Variants in GLIS3 observed in about 807,000 individuals in gnomAD.
The protein encoded by GLIS3 is zinc finger protein GLIS3.
A neutral mutation model predicts 78.6 loss-of-function variants in GLIS3; 53 were observed. The observed-to-expected ratio is 0.67, with a 90% CI of 0.54 to 0.85. The LOEUF is 0.85. GLIS3 is among the 40% of genes least tolerant of loss of function. The pLI is 0.00. For synonymous variants in GLIS3, 684 were observed against 509.9 expected (o/e 1.34, Z -4.60); for missense variants, 1,703 against 1,231.1 (o/e 1.38, Z -5.74).
At chr9:4,148,794 T>C (rs1022782052) in intron 2 of GLIS3, among the ~76,000 whole-genome samples, 1 of 151,978 alleles carries the variant, frequency 6.6e-6, no homozygotes, top group Non-Finnish European at 1.5e-5. Context: ...AAAAATAAAA[T>C]AAACAGAGAA....
At chr9:4,352,834 G>C (rs190828633), upstream of GLIS3, among the ~76,000 whole-genome samples, 7 of 152,356 alleles carry the variant, frequency 4.6e-5, no homozygotes, top group Admixed American at 1.3e-4. Context: ...AATCTTCATA[G>C]TTAGGTAAAC....
intron 7 of GLIS3, among the ~76,000 whole-genome samples, chr9:3,884,841 T>C (rs1821965275): frequency 6.6e-6 from 1 of 152,086 alleles, no homozygotes; most frequent in Non-Finnish European, 1.5e-5. Flanking sequence ...AACACCACCC[T>C]ATATTGCCTC....
chr9:4,351,328 C>A (rs746864686), upstream of GLIS3, among the ~76,000 whole-genome samples: 1 of 151,058 alleles, frequency 6.6e-6, no homozygotes, highest in Non-Finnish European at 1.5e-5. Flanking sequence ...TCACTTGAAC[C>A]TGGGAGGTTG....
chr9:4,163,864 A>C (rs1243492315), intron 2 of GLIS3, among the ~76,000 whole-genome samples: 3 of 152,214 alleles, frequency 2.0e-5, no homozygotes, highest in African/African-American at 4.8e-5. Flanking sequence ...TAATAATAAT[A>C]ACAACATATA....
At chr9:4,418,791 T>A in the GLIS3 span, among the ~76,000 whole-genome samples, 1 of 152,210 alleles carries the variant, frequency 6.6e-6, no homozygotes, top group African/African-American at 2.4e-5. Context: ...AGTATTTGAG[T>A]TGGGTCTTTA....
At chr9:4,276,959 C>T (rs1397286961) in intron 2 of GLIS3, among the ~76,000 whole-genome samples, 2 of 152,122 alleles carry the variant, frequency 1.3e-5, no homozygotes, top group Non-Finnish European at 2.9e-5. Flanking sequence ...ATATTAACTT[C>T]ATTTGCTCTA....
At chr9:4,375,238 T>G in the GLIS3 span, among the ~76,000 whole-genome samples, 24 of 152,176 alleles carry the variant, frequency 1.6e-4, no homozygotes, top group Non-Finnish European at 3.2e-4. Context: ...TCAAGTCTAA[T>G]GAACTCCCAA....
At chr9:4,044,131 C>A (rs1356508819) in intron 4 of GLIS3, among the ~76,000 whole-genome samples, 1 of 152,116 alleles carries the variant, frequency 6.6e-6, no homozygotes, top group South Asian at 2.1e-4. Context: ...TGAGGATGCC[C>A]ATCAGAAAGG....
intron 2 of GLIS3, among the ~76,000 whole-genome samples, chr9:4,343,284 G>T (rs902029684): frequency 6.6e-6 from 1 of 152,216 alleles, no homozygotes; most frequent in Admixed American, 6.5e-5. Context: ...CGAGGCTTCA[G>T]TAAGCTCTGA....
intron 4 of GLIS3, among the ~76,000 whole-genome samples, chr9:4,001,966 G>C (rs985035738): frequency 1.3e-5 from 2 of 152,140 alleles, no homozygotes; most frequent in Admixed American, 6.5e-5. Context: ...ATAAACAGTG[G>C]CCCCTCTAAT....
intron 2 of GLIS3, among the ~76,000 whole-genome samples, chr9:4,285,238 C>A (rs1295125607): frequency 6.6e-6 from 1 of 152,134 alleles, no homozygotes; most frequent in Admixed American, 6.5e-5. Flanking sequence ...CATGCTCTTT[C>A]TCTAAATACA....
chr9:3,869,912 A>C (rs1303226951), intron 8 of GLIS3, among the ~76,000 whole-genome samples: 1 of 152,220 alleles, frequency 6.6e-6, no homozygotes, highest in Non-Finnish European at 1.5e-5. Context: ...GAACTGTGAG[A>C]GGCAGAGGAG....
chr9:4,224,847 T>C (rs1324058415), intron 2 of GLIS3, among the ~76,000 whole-genome samples: 1 of 152,074 alleles, frequency 6.6e-6, no homozygotes, highest in African/African-American at 2.4e-5. Context: ...TTTAGTGACT[T>C]GCACTTTTCA....
chr9:4,229,453 G>A (rs1822066255), intron 2 of GLIS3, among the ~76,000 whole-genome samples: 1 of 152,180 alleles, frequency 6.6e-6, no homozygotes, highest in Non-Finnish European at 1.5e-5. Flanking sequence ...ACAACCTACT[G>A]GAATAACAGA....
At chr9:4,212,229 G>A (rs1820439853) in intron 2 of GLIS3, among the ~76,000 whole-genome samples, 2 of 152,170 alleles carry the variant, frequency 1.3e-5, no homozygotes, top group Non-Finnish European at 2.9e-5. Flanking sequence ...TTTCTTCAAG[G>A]ACTGACTTTC....
At chr9:4,389,176 G>C in the GLIS3 span, among the ~76,000 whole-genome samples, 1 of 152,186 alleles carries the variant, frequency 6.6e-6, no homozygotes, top group East Asian at 1.9e-4. Context: ...ATAGGTATTA[G>C]AGGCTAAGAG....
intron 9 of GLIS3, among the ~76,000 whole-genome samples, chr9:3,848,621 T>C (rs760477049): frequency 6.6e-6 from 1 of 152,252 alleles, no homozygotes; most frequent in Non-Finnish European, 1.5e-5. Context: ...AAAGTACCAT[T>C]GCACAATCAC....
intron 4 of GLIS3, among the ~76,000 whole-genome samples, chr9:4,085,641 G>T (rs1219116656): frequency 6.6e-6 from 1 of 152,138 alleles, no homozygotes; most frequent in Non-Finnish European, 1.5e-5. Context: ...TGGAGGTGGG[G>T]CCTGGTGGGA....
the GLIS3 span, among the ~76,000 whole-genome samples, chr9:4,446,205 T>G: frequency 1.3e-5 from 2 of 152,188 alleles, no homozygotes; most frequent in Non-Finnish European, 2.9e-5. Context: ...AGGTGTGGTC[T>G]TTGGGTAAAT....
Sources: gnomAD v4.1 joint callset for allele counts (sites outside exome capture counted in the v4.1 genomes callset) on GRCh38, gnomAD v4.1.1 for gene constraint, MANE v1.5 for transcripts, NCBI Gene and HGNC (gene_info 2026-07-23, HGNC 2026-07-21) for gene names.